Variants in BTG4 observed in about 807,000 individuals in gnomAD.
BTG4 encodes the protein BTG anti-proliferation factor 4.
A neutral mutation model predicts 19.3 loss-of-function variants in BTG4; 10 were observed. The observed-to-expected ratio is 0.52, with a 90% CI of 0.32 to 0.88. BTG4 has a LOEUF of 0.88. Ranked by LOEUF, BTG4 falls within the 40% of genes least tolerant of loss-of-function variation. The probability of loss-of-function intolerance (pLI) is 0.04; values close to 1 mark genes in which losing one functional copy is unlikely to be tolerated. For synonymous variants in BTG4, 91 were observed against 95.7 expected (o/e 0.95, Z 0.29); for missense variants, 238 against 281.9 (o/e 0.84, Z 1.11).
chr11:111,504,806 GCATTTCTATAAACAGTAA>G (rs928839521), intron 1 of BTG4, among the ~76,000 whole-genome samples: 9 of 151,954 alleles, frequency 5.9e-5, no homozygotes, highest in Non-Finnish European at 1.3e-4. Flanking sequence ...AAAATCAGTA[GCATTTCTATAAACAGTAA>G]CATTGAAGCT....
upstream of BTG4, chr11:111,514,718 G>A: frequency 5.3e-6 from 7 of 1,322,038 alleles, no homozygotes; most frequent in Non-Finnish European, 7.3e-6. Context: ...GGCGGTTCTC[G>A]GAGGGGCGGG....
At chr11:111,484,288 C>T (rs546525986) in intron 5 of BTG4, among the ~76,000 whole-genome samples, 27 of 152,146 alleles carry the variant, frequency 1.8e-4, no homozygotes, top group East Asian at 1.2e-3. Flanking sequence ...AAAAATTACT[C>T]GTAAAAGTAC....
chr11:111,411,880 T>A, the BTG4 span, among the ~76,000 whole-genome samples: 1 of 152,148 alleles, frequency 6.6e-6, no homozygotes, highest in African/African-American at 2.4e-5. Context: ...AGAATAGACA[T>A]AAAATAAATT....
the BTG4 span, among the ~76,000 whole-genome samples, chr11:111,390,755 T>C: frequency 3.9e-5 from 6 of 152,224 alleles, no homozygotes; most frequent in African/African-American, 2.4e-5. Context: ...ACTCTCCCTC[T>C]TTCTTCGAAG....
chr11:111,499,773 TTATC>T (rs1159187979), intron 1 of BTG4, among the ~76,000 whole-genome samples: 1 of 152,198 alleles, frequency 6.6e-6, no homozygotes, highest in Non-Finnish European at 1.5e-5. Flanking sequence ...AGATCTGAGT[TTATC>T]TAACCTCACC....
intron 5 of BTG4, among the ~76,000 whole-genome samples, chr11:111,480,832 T>C (rs11500837): frequency 0.029 from 4,455 of 151,508 alleles, 101 homozygotes; most frequent in Middle Eastern, 0.088. Context: ...ACTAAGTATA[T>C]ACATTAGAAA....
the BTG4 span, among the ~76,000 whole-genome samples, chr11:111,449,165 CCT>C: frequency 6.6e-6 from 1 of 152,128 alleles, no homozygotes. Context: ...CTGGTCTCCC[CCT>C]GACTCCTCCC....
the BTG4 span, among the ~76,000 whole-genome samples, chr11:111,430,217 C>G: frequency 6.6e-6 from 1 of 152,198 alleles, no homozygotes; most frequent in African/African-American, 2.4e-5. Flanking sequence ...TGCTTTTATA[C>G]ATTTTAGAGA....
At chr11:111,407,212 G>A in the BTG4 span, among the ~76,000 whole-genome samples, 185 of 147,424 alleles carry the variant, frequency 1.3e-3, no homozygotes, top group African/African-American at 4.2e-3. Flanking sequence ...TAAGTATATA[G>A]TATATATATA....
the BTG4 span, chr11:111,460,278 T>C: frequency 2.0e-5 from 3 of 152,658 alleles, no homozygotes; most frequent in South Asian, 2.1e-4. Flanking sequence ...GGTCCTGTCA[T>C]TGGAGCTCAA....
At chr11:111,495,872 T>G (rs927210620) in intron 4 of BTG4, among the ~76,000 whole-genome samples, 1 of 152,226 alleles carries the variant, frequency 6.6e-6, no homozygotes, top group Admixed American at 6.5e-5. Context: ...AAATGACATA[T>G]AGCAGGTCTT....
chr11:111,472,768 T>C (rs945562983), intron 5 of BTG4, among the ~76,000 whole-genome samples: 1 of 152,230 alleles, frequency 6.6e-6, no homozygotes, highest in African/African-American at 2.4e-5. Context: ...GTAAGCTCCA[T>C]GAGGGCAGAG....
intron 1 of BTG4, among the ~76,000 whole-genome samples, chr11:111,500,476 CTA>C (rs1268694402): frequency 3.9e-5 from 6 of 152,206 alleles, no homozygotes; most frequent in African/African-American, 1.4e-4. Flanking sequence ...TATGTGCAGC[CTA>C]GTTTTTCCTT....
At chr11:111,450,470 C>T in the BTG4 span, 3 of 152,596 alleles carry the variant, frequency 2.0e-5, no homozygotes, top group African/African-American at 4.8e-5. Flanking sequence ...CAGATGGAGG[C>T]CACAGGGAGG....
At chr11:111,486,537 G>C (rs190581898) in intron 5 of BTG4, among the ~76,000 whole-genome samples, 13 of 152,210 alleles carry the variant, frequency 8.5e-5, no homozygotes, top group Non-Finnish European at 1.8e-4. Flanking sequence ...CCCATACTAT[G>C]AGGCCAGTAT....
chr11:111,407,746 C>G, the BTG4 span, among the ~76,000 whole-genome samples: 1 of 152,166 alleles, frequency 6.6e-6, no homozygotes, highest in Non-Finnish European at 1.5e-5. Flanking sequence ...ATACAGTCCT[C>G]CCAAAACACT....
the BTG4 span, among the ~76,000 whole-genome samples, chr11:111,402,293 T>C: frequency 6.6e-6 from 1 of 152,174 alleles, no homozygotes. Context: ...TAAACATCTT[T>C]CCTTTATAAA....
chr11:111,493,014 C>T (rs182751174), downstream of BTG4, among the ~76,000 whole-genome samples: 27 of 152,142 alleles, frequency 1.8e-4, no homozygotes, highest in East Asian at 2.3e-3. Context: ...GGCATGGGGG[C>T]GCACGCTTGT....
the BTG4 span, chr11:111,454,100 C>A: frequency 6.1e-6 from 2 of 329,230 alleles, no homozygotes; most frequent in East Asian, 8.9e-5. Flanking sequence ...GCTCCTTACC[C>A]AAGAACTACA....
Sources: allele counts gnomAD v4.1 joint callset (sites outside exome capture counted in the v4.1 genomes callset), GRCh38; gene constraint gnomAD v4.1.1; transcripts MANE v1.5; gene names NCBI Gene and HGNC (gene_info 2026-07-23, HGNC 2026-07-21).